Variants in MSRA observed in about 807,000 individuals in gnomAD.
The protein encoded by MSRA is methionine sulfoxide reductase A.
Under a neutral mutation model 31.3 loss-of-function variants are expected in MSRA, and 54 were observed. The observed-to-expected ratio is 1.73, with a 90% CI of 1.39 to 2.17. The LOEUF (loss-of-function observed/expected upper bound fraction) is 2.17, where lower values mean the gene tolerates loss of function less well. MSRA is among the 30% of genes most tolerant of loss of function. The pLI, the probability that MSRA is intolerant of heterozygous loss-of-function variation, is 0.00. For synonymous variants in MSRA, 169 were observed against 116.5 expected (o/e 1.45, Z -2.90); for missense variants, 507 against 300.9 (o/e 1.69, Z -5.07).
intron 1 of MSRA, among the ~76,000 whole-genome samples, chr8:10,136,731 G>C (rs957579642): frequency 6.6e-6 from 1 of 152,188 alleles, no homozygotes; most frequent in Admixed American, 6.5e-5. Flanking sequence ...GCCCACTCGG[G>C]GTCAGGGGTT....
chr8:10,235,734 A>T (rs931710167), intron 2 of MSRA, among the ~76,000 whole-genome samples: 1 of 152,186 alleles, frequency 6.6e-6, no homozygotes, highest in Non-Finnish European at 1.5e-5. Context: ...TTGTAACTTC[A>T]CGGAACAAAT....
At chr8:10,283,012 A>G (rs1323610789) in intron 3 of MSRA, among the ~76,000 whole-genome samples, 1 of 152,092 alleles carries the variant, frequency 6.6e-6, no homozygotes, top group Non-Finnish European at 1.5e-5. Context: ...GATTAAAGAG[A>G]TGAAAATTCC....
At chr8:10,080,383 A>C (rs1406187735) in intron 1 of MSRA, among the ~76,000 whole-genome samples, 1 of 151,634 alleles carries the variant, frequency 6.6e-6, no homozygotes, top group Non-Finnish European at 1.5e-5. Flanking sequence ...GAATATTTGA[A>C]AGTATAGTTG....
At chr8:10,174,133 G>T (rs948345507) in intron 1 of MSRA, among the ~76,000 whole-genome samples, 1 of 152,190 alleles carries the variant, frequency 6.6e-6, no homozygotes, top group Non-Finnish European at 1.5e-5. Flanking sequence ...TTCGGGGAAG[G>T]AGGTTAGAAG....
intron 3 of MSRA, among the ~76,000 whole-genome samples, chr8:10,264,469 A>G (rs1344205615): frequency 6.6e-6 from 1 of 152,210 alleles, no homozygotes; most frequent in African/African-American, 2.4e-5. Context: ...TTTTTGCAAC[A>G]TTTCCAGCTA....
intron 5 of MSRA, among the ~76,000 whole-genome samples, chr8:10,330,006 ATGTG>A (rs72198519): frequency 0.34 from 45,528 of 135,206 alleles, 7,413 homozygotes; most frequent in East Asian, 0.43. Flanking sequence ...AGAGAAAAAA[ATGTG>A]TGTGTGTGTG....
At chr8:10,418,843 CA>C (rs33958722) in intron 5 of MSRA, among the ~76,000 whole-genome samples, 85,097 of 102,764 alleles carry the variant, frequency 0.83, 34,572 homozygotes, top group East Asian at 0.89. Flanking sequence ...AAAAAACCAA[CA>C]AAAAAAAAAA....
intron 2 of MSRA, among the ~76,000 whole-genome samples, chr8:10,239,891 C>T (rs755294383): frequency 4.2e-5 from 5 of 117,940 alleles, no homozygotes; most frequent in African/African-American, 9.0e-5. Flanking sequence ...TCCTGGAGTC[C>T]GGCACCCACC....
chr8:10,256,405 C>T (rs961111661), intron 3 of MSRA, among the ~76,000 whole-genome samples: 1 of 152,090 alleles, frequency 6.6e-6, no homozygotes, highest in Non-Finnish European at 1.5e-5. Context: ...CAAGTTTTGA[C>T]AATTACGGAT....
chr8:10,280,346 T>A (rs2129106631), intron 3 of MSRA, among the ~76,000 whole-genome samples: 1 of 130,246 alleles, frequency 7.7e-6, no homozygotes, highest in South Asian at 2.7e-4. Context: ...TATTTTTTAC[T>A]TTTTGCTCCT....
At chr8:10,276,817 C>T (rs942253123) in intron 3 of MSRA, among the ~76,000 whole-genome samples, 2 of 151,704 alleles carry the variant, frequency 1.3e-5, no homozygotes, top group Non-Finnish European at 2.9e-5. Context: ...CTTCCCTCCT[C>T]CACTTTGACC....
chr8:10,140,311 A>C (rs994993034), intron 1 of MSRA, among the ~76,000 whole-genome samples: 3 of 152,230 alleles, frequency 2.0e-5, no homozygotes, highest in African/African-American at 7.2e-5. Context: ...GGAGAAGGGC[A>C]GGAAAAGGGC....
At position 10,245,149 on chromosome 8, in the gene MSRA, A is replaced by G. The variant is rs372312437; in HGVS notation, c.257A>G (p.Lys86Arg). 3.7e-6 allele frequency: 6 copies of G among 1,613,650 alleles called. No individual in the cohort carries two copies. The highest frequency in any genetic ancestry group is 5.1e-6 in the Non-Finnish European group (6 of 1,179,896). ...WGAERKFWVL[K>R]GVYSTQVGFA... is the part of the protein sequence containing the mutation. Reference sequence around the variant, plus strand: ...GCTGAAAGGAAATTCTGGGTCTTGAAAGGAGTGTATTCAACTCAAGTTGGT... The same window carrying G: ...GCTGAAAGGAAATTCTGGGTCTTGAGAGGAGTGTATTCAACTCAAGTTGGT... The change falls in exon 3 of 6, where the codon AAA becomes AGA. Residue 86 changes from lysine to arginine, a missense_variant. Physicochemically the swap from Lys to Arg is conservative, Grantham distance 26 (BLOSUM62 2). Transcript: ENST00000317173.
intron 3 of MSRA, 148 bp downstream of exon 3, chr8:10,245,371 T>C: frequency 2.7e-6 from 2 of 745,458 alleles, no homozygotes; most frequent in Admixed American, 2.9e-5. Context: ...ACTTGTGAGC[T>C]TCTCACTTTA....
At chr8:10,246,625 G>A (rs1223208495) in intron 3 of MSRA, among the ~76,000 whole-genome samples, 8 of 152,210 alleles carry the variant, frequency 5.3e-5, no homozygotes, top group Admixed American at 5.2e-4. Flanking sequence ...GAGTTTGGGA[G>A]CTTGGTGAAT....
intron 2 of MSRA, among the ~76,000 whole-genome samples, chr8:10,208,543 G>C (rs1809209597): frequency 1.3e-5 from 2 of 152,036 alleles, no homozygotes; most frequent in South Asian, 4.2e-4. Context: ...CTCTGCACAT[G>C]GCCCTTTCTT....
intron 1 of MSRA, among the ~76,000 whole-genome samples, chr8:10,136,060 G>A (rs1478887683): frequency 2.6e-5 from 4 of 152,160 alleles, no homozygotes; most frequent in African/African-American, 7.2e-5. Flanking sequence ...ACTTAGGCCT[G>A]TGTGGCATCT....
Position 10,054,391 on chromosome 8 carries a change from G to GGCCC in MSRA, c.-126_-125insGCCC, listed in dbSNP as rs1802162162. 1.5e-3 allele frequency: 878 copies of GGCCC among 585,356 alleles called. No individual in the cohort carries two copies. The highest frequency in any genetic ancestry group is 2.3e-3 in the Middle Eastern group (4 of 1,754). The allele number at this position is 585,356 out of a possible 1,614,324, so 36.3% of individuals were successfully genotyped here. A position where few individuals can be genotyped will look rare whatever the true frequency, so the allele number is the denominator to read the frequency against. ...TCCAGCCCCGCCAGCAGCGCCCCGC[G>GGCCC]CCCGCCCGCCCGCGCCCCTGCCGCC... On this transcript the variant is annotated 5_prime_UTR_variant, in exon 1 of 6. Coordinates refer to ENST00000317173, the MANE Select transcript of MSRA (RefSeq NM_012331.5).
chr8:10,167,200 G>A (rs981763812), intron 1 of MSRA, among the ~76,000 whole-genome samples: 1 of 152,108 alleles, frequency 6.6e-6, no homozygotes, highest in Admixed American at 6.6e-5. Context: ...TAACGTGGCC[G>A]GGCTCCCACT....
Sources: allele counts gnomAD v4.1 joint callset (sites outside exome capture counted in the v4.1 genomes callset), GRCh38; gene constraint gnomAD v4.1.1; transcripts MANE v1.5; gene names NCBI Gene and HGNC (gene_info 2026-07-23, HGNC 2026-07-21).